The following SGCZ variants were observed in gnomAD, a reference collection of about 807,000 sequenced individuals.
SGCZ encodes sarcoglycan zeta, also known as zeta-sarcoglycan.
SGCZ carries 40 observed loss-of-function variants against 41.3 expected under a neutral mutation model. That is an observed-to-expected ratio of 0.97 (90% confidence interval 0.75 to 1.26). SGCZ has a LOEUF of 1.26. SGCZ is among the 50% of genes most tolerant of loss of function. SGCZ has a pLI of 0.00. For synonymous variants in SGCZ, 206 were observed against 137.5 expected (o/e 1.50, Z -3.49); for missense variants, 552 against 369.8 (o/e 1.49, Z -4.04).
At chr8:14,805,988 C>G (rs1160572416) in intron 1 of SGCZ, among the ~76,000 whole-genome samples, 1 of 150,566 alleles carries the variant, frequency 6.6e-6, no homozygotes, top group Non-Finnish European at 1.5e-5. Flanking sequence ...CTACTGGGTA[C>G]ATAACGAAAT....
chr8:14,648,033 G>A (rs746276606), intron 1 of SGCZ, among the ~76,000 whole-genome samples: 69 of 151,990 alleles, frequency 4.5e-4, no homozygotes, highest in Non-Finnish European at 8.1e-4. Context: ...GAGGTACCCT[G>A]AACTTGACTT....
chr8:14,667,659 G>A (rs1015043297), intron 1 of SGCZ, among the ~76,000 whole-genome samples: 1 of 152,050 alleles, frequency 6.6e-6, no homozygotes, highest in Admixed American at 6.6e-5. Flanking sequence ...AATGATTCCA[G>A]AATAGTATAA....
intron 1 of SGCZ, among the ~76,000 whole-genome samples, chr8:14,760,738 G>C (rs909227797): frequency 1.3e-5 from 2 of 152,116 alleles, no homozygotes; most frequent in Non-Finnish European, 2.9e-5. Flanking sequence ...CAAGCTAACA[G>C]TTATTCAGTC....
chr8:14,132,306 TAA>T (rs1803065731), intron 5 of SGCZ, among the ~76,000 whole-genome samples: 1 of 152,212 alleles, frequency 6.6e-6, no homozygotes. Flanking sequence ...TATTTTTGAA[TAA>T]GTTTATTCCT....
chr8:15,228,014 G>A (rs1801831058), intron 1 of SGCZ, among the ~76,000 whole-genome samples: 1 of 152,080 alleles, frequency 6.6e-6, no homozygotes, highest in African/African-American at 2.4e-5. Context: ...AGAAGTTTCT[G>A]AAATTCACTT....
At chr8:14,243,443 G>C (rs780732592) in intron 3 of SGCZ, among the ~76,000 whole-genome samples, 1 of 152,064 alleles carries the variant, frequency 6.6e-6, no homozygotes, top group Non-Finnish European at 1.5e-5. Context: ...TTCATATCCA[G>C]TGTTACTTAA....
At chr8:14,163,675 T>C (rs970206438) in intron 5 of SGCZ, among the ~76,000 whole-genome samples, 1 of 152,150 alleles carries the variant, frequency 6.6e-6, no homozygotes, top group Non-Finnish European at 1.5e-5. Context: ...GTTGAATATA[T>C]GGAGAGGCAG....
chr8:14,842,051 A>G (rs544813518), intron 1 of SGCZ, among the ~76,000 whole-genome samples: 17 of 152,332 alleles, frequency 1.1e-4, no homozygotes, highest in African/African-American at 3.8e-4. Flanking sequence ...CAGCTTCATC[A>G]AATCCTGGGG....
intron 1 of SGCZ, among the ~76,000 whole-genome samples, chr8:15,222,592 A>G (rs1801640657): frequency 6.6e-6 from 1 of 152,166 alleles, no homozygotes; most frequent in Non-Finnish European, 1.5e-5. Context: ...TTTCACAATC[A>G]TTTATTTTAG....
intron 1 of SGCZ, among the ~76,000 whole-genome samples, chr8:14,940,884 A>T (rs1800253118): frequency 6.6e-6 from 1 of 152,140 alleles, no homozygotes; most frequent in Admixed American, 6.6e-5. Flanking sequence ...TACATTGTTA[A>T]CATATAAAGG....
intron 2 of SGCZ, among the ~76,000 whole-genome samples, chr8:14,504,684 C>G: frequency 6.6e-6 from 1 of 151,978 alleles, no homozygotes; most frequent in East Asian, 1.9e-4. Flanking sequence ...TCACAGATGC[C>G]TGACATTCTT....
intron 1 of SGCZ, among the ~76,000 whole-genome samples, chr8:14,737,376 C>A (rs1261671682): frequency 1.3e-5 from 2 of 151,918 alleles, no homozygotes; most frequent in Admixed American, 6.6e-5. Flanking sequence ...TAATGTGACC[C>A]ATTTTTGATT....
At chr8:14,340,206 A>G (rs1802652936) in intron 2 of SGCZ, among the ~76,000 whole-genome samples, 1 of 152,056 alleles carries the variant, frequency 6.6e-6, no homozygotes, top group African/African-American at 2.4e-5. Context: ...ATTGTCATTA[A>G]TGTATCCAGT....
intron 2 of SGCZ, among the ~76,000 whole-genome samples, chr8:14,384,472 T>A (rs1212971789): frequency 6.6e-6 from 1 of 152,196 alleles, no homozygotes; most frequent in Admixed American, 6.5e-5. Flanking sequence ...TAGAATAGAT[T>A]GAAAGATAAT....
intron 1 of SGCZ, among the ~76,000 whole-genome samples, chr8:14,630,083 G>C (rs1251536925): frequency 3.9e-5 from 6 of 152,070 alleles, no homozygotes; most frequent in Non-Finnish European, 7.4e-5. Context: ...CATGAGGAAG[G>C]TTTTCCTTAA....
chr8:14,916,540 A>C (rs1328057509), intron 1 of SGCZ, among the ~76,000 whole-genome samples: 1 of 152,236 alleles, frequency 6.6e-6, no homozygotes, highest in Non-Finnish European at 1.5e-5. Flanking sequence ...TACCTGGTGC[A>C]AGGCAGTACT....
intron 1 of SGCZ, among the ~76,000 whole-genome samples, chr8:14,769,651 G>A (rs557537787): frequency 6.6e-6 from 1 of 152,048 alleles, no homozygotes; most frequent in Non-Finnish European, 1.5e-5. Context: ...AATTAGCTGG[G>A]CATGGTGGCA....
At chr8:14,532,704 T>G in intron 2 of SGCZ, among the ~76,000 whole-genome samples, 1 of 103,718 alleles carries the variant, frequency 9.6e-6, no homozygotes, top group Non-Finnish European at 1.8e-5. Context: ...AAAACTTGCT[T>G]TGTGTGTGGG....
intron 1 of SGCZ, among the ~76,000 whole-genome samples, chr8:14,763,490 C>T (rs777038995): frequency 5.9e-5 from 9 of 152,156 alleles, no homozygotes; most frequent in Non-Finnish European, 1.2e-4. Context: ...GGTAGCCAAG[C>T]ACTGGATGTT....
Sources: gnomAD v4.1 joint callset for allele counts (sites outside exome capture counted in the v4.1 genomes callset) on GRCh38, gnomAD v4.1.1 for gene constraint, MANE v1.5 for transcripts, NCBI Gene and HGNC (gene_info 2026-07-23, HGNC 2026-07-21) for gene names.